Variants in HS2ST1 observed in about 807,000 individuals in gnomAD.
HS2ST1 encodes the protein 2-O-sulfotransferase.
A neutral mutation model predicts 42.9 loss-of-function variants in HS2ST1; 18 were observed. The observed-to-expected ratio is 0.42, with a 90% confidence interval of 0.29 to 0.62. The LOEUF (loss-of-function observed/expected upper bound fraction) is 0.62, where lower values mean the gene tolerates loss of function less well. Among genes scored for constraint, HS2ST1 ranks in the 20% least tolerant of loss-of-function variants. The pLI, the probability that HS2ST1 is intolerant of heterozygous loss-of-function variation, is 0.21. For synonymous variants in HS2ST1, 146 were observed against 152.9 expected (o/e 0.95, Z 0.33); for missense variants, 334 against 433.8 (o/e 0.77, Z 2.04).
chr1:87,052,078 C>T (rs1650848767), intron 1 of HS2ST1, among the ~76,000 whole-genome samples: 1 of 152,046 alleles, frequency 6.6e-6, no homozygotes, highest in Non-Finnish European at 1.5e-5. Context: ...CATGCTGAAA[C>T]CCTGTATCTA....
intron 1 of HS2ST1, among the ~76,000 whole-genome samples, chr1:86,946,973 T>C (rs1157594405): frequency 1.3e-5 from 2 of 152,182 alleles, no homozygotes; most frequent in Non-Finnish European, 2.9e-5. Flanking sequence ...GGCTAATAAA[T>C]TAGCCTACTA....
rs114403810 is a variant in HS2ST1 at position 87,031,715 on chromosome 1, C to T, written c.125-41219C>T. On this transcript the variant is annotated intron_variant, in intron 1 of 6. Coordinates refer to ENST00000370550, the MANE Select transcript of HS2ST1 (RefSeq NM_012262.4). ...GTTCTTTCCTAGTTCTTAAATTCTGCGACTGAATATATAATATATGGTTGT... is the reference window on the plus strand; with the variant it reads ...GTTCTTTCCTAGTTCTTAAATTCTGTGACTGAATATATAATATATGGTTGT... Among the ~76,000 whole-genome samples, 835 of 152,154 alleles carry T rather than the reference C, an allele frequency of 5.5e-3. 5 individuals carry two copies. Among genetic ancestry groups the T allele is most frequent in the African/African-American group, 0.019 (782 of 41,514 alleles).
chr1:87,046,491 C>A, intron 1 of HS2ST1: 2 of 1,227,728 alleles, frequency 1.6e-6, no homozygotes, highest in Non-Finnish European at 2.4e-6. Flanking sequence ...GCTAAATCAA[C>A]TGGATATAAT....
chr1:87,086,565 T>C (rs2100645879), intron 3 of HS2ST1, among the ~76,000 whole-genome samples: 1 of 152,202 alleles, frequency 6.6e-6, no homozygotes, highest in African/African-American at 2.4e-5. Flanking sequence ...TTAAAACGAA[T>C]GTAAGCCCCA....
chr1:86,927,142 G>T (rs1361167388), intron 1 of HS2ST1, among the ~76,000 whole-genome samples: 1 of 152,160 alleles, frequency 6.6e-6, no homozygotes, highest in Non-Finnish European at 1.5e-5. Context: ...CTTCTTTCCT[G>T]TATTCCTTCC....
chr1:87,068,259 TCTC>T (rs1651304462), intron 1 of HS2ST1, among the ~76,000 whole-genome samples: 1 of 152,190 alleles, frequency 6.6e-6, no homozygotes, highest in African/African-American at 2.4e-5. Flanking sequence ...AGTTTATAGT[TCTC>T]CTTGACGAGG....
intron 1 of HS2ST1, among the ~76,000 whole-genome samples, chr1:86,968,427 A>G (rs1243589862): frequency 1.3e-5 from 1 of 75,240 alleles, no homozygotes; most frequent in African/African-American, 3.8e-5. Flanking sequence ...TATTTCTCCA[A>G]TCCTTTTTTT....
At chr1:86,998,841 G>A (rs948620740) in intron 1 of HS2ST1, among the ~76,000 whole-genome samples, 3 of 152,160 alleles carry the variant, frequency 2.0e-5, no homozygotes, top group South Asian at 4.1e-4. Flanking sequence ...TCAAACTGTG[G>A]TTCATGGACT....
chr1:86,992,875 A>G (rs944590583), intron 1 of HS2ST1: 71 of 521,508 alleles, frequency 1.4e-4, no homozygotes, highest in African/African-American at 1.1e-3. Context: ...TCTAGTTTTG[A>G]TGAAGGGGAA....
At chr1:87,067,554 C>T (rs1271562139) in intron 1 of HS2ST1, among the ~76,000 whole-genome samples, 1 of 152,270 alleles carries the variant, frequency 6.6e-6, no homozygotes, top group Admixed American at 6.5e-5. Flanking sequence ...TTTGGCTGTG[C>T]AGAAGCTCTT....
chr1:87,066,642 G>T (rs1187051066), intron 1 of HS2ST1, among the ~76,000 whole-genome samples: 1 of 151,928 alleles, frequency 6.6e-6, no homozygotes, highest in East Asian at 1.9e-4. Flanking sequence ...TGTTACATAG[G>T]TATACCTGTG....
intron 1 of HS2ST1, among the ~76,000 whole-genome samples, chr1:87,043,114 C>T (rs1443825365): frequency 2.0e-5 from 3 of 151,926 alleles, no homozygotes; most frequent in Non-Finnish European, 2.9e-5. Context: ...TGTAGAGAAC[C>T]GTTTTATTAA....
chr1:87,064,232 G>A (rs1013701586), intron 1 of HS2ST1, among the ~76,000 whole-genome samples: 1 of 152,250 alleles, frequency 6.6e-6, no homozygotes, highest in South Asian at 2.1e-4. Context: ...GTCTGTACCT[G>A]TTTCTAGATT....
chr1:87,044,881 G>T, intron 1 of HS2ST1: 2 of 1,183,220 alleles, frequency 1.7e-6, no homozygotes, highest in Non-Finnish European at 1.2e-6. Flanking sequence ...ATCTGGTTCT[G>T]CCTAGATAAA....
At chr1:87,026,203 A>G (rs1020442842) in intron 1 of HS2ST1, among the ~76,000 whole-genome samples, 1 of 152,242 alleles carries the variant, frequency 6.6e-6, no homozygotes, top group Non-Finnish European at 1.5e-5. Context: ...TACAGTTCCC[A>G]GTGAAGTCAC....
intron 1 of HS2ST1, among the ~76,000 whole-genome samples, chr1:86,944,367 A>G (rs1647267865): frequency 6.6e-6 from 1 of 151,706 alleles, no homozygotes; most frequent in Non-Finnish European, 1.5e-5. Flanking sequence ...TTTCTTTTTT[A>G]TTTTTTTGAG....
chr1:86,998,545 G>C (rs1649172286), intron 1 of HS2ST1, among the ~76,000 whole-genome samples: 1 of 152,168 alleles, frequency 6.6e-6, no homozygotes, highest in South Asian at 2.1e-4. Flanking sequence ...AAGCACAACA[G>C]TCATTCCTGT....
At chr1:87,071,193 A>G (rs539689412) in intron 1 of HS2ST1, among the ~76,000 whole-genome samples, 1 of 152,264 alleles carries the variant, frequency 6.6e-6, no homozygotes, top group East Asian at 1.9e-4. Context: ...TTGAATGCAA[A>G]TCCTCAGCTC....
At chr1:86,967,140 C>G (rs904779821) in intron 1 of HS2ST1, among the ~76,000 whole-genome samples, 4 of 152,144 alleles carry the variant, frequency 2.6e-5, no homozygotes, top group Non-Finnish European at 5.9e-5. Context: ...ATCTGCCCAC[C>G]TTGGCCTCCC....
Sources: allele counts gnomAD v4.1 joint callset (sites outside exome capture counted in the v4.1 genomes callset), GRCh38; gene constraint gnomAD v4.1.1; transcripts MANE v1.5; gene names NCBI Gene and HGNC (gene_info 2026-07-23, HGNC 2026-07-21).